WRN: variants seen among roughly 807,000 people sequenced by gnomAD.
The protein encoded by WRN is bifunctional 3'-5' exonuclease/ATP-dependent helicase WRN.
WRN carries 149 observed loss-of-function variants against 180.7 expected under a neutral mutation model. The ratio of observed to expected loss-of-function variants is 0.82; its 90% CI spans 0.72 to 0.94. WRN has a LOEUF of 0.94. Ranked by LOEUF, WRN falls within the 40% of genes least tolerant of loss-of-function variation. WRN has a pLI of 0.00. For missense variants in WRN, 1,661 were observed against 1,700.1 expected, an observed-to-expected ratio of 0.98 and a Z score of 0.40; for synonymous variants, 548 against 568.9, an observed-to-expected ratio of 0.96 and a Z score of 0.52.
intron 1 of WRN, among the ~76,000 whole-genome samples, chr8:31,037,099 A>T (rs188887219): frequency 3.9e-4 from 59 of 152,338 alleles, no homozygotes; most frequent in Admixed American, 2.4e-3. Context: ...ATAATTATAC[A>T]ATTCACCATA....
chr8:31,102,342 C>T (rs544455424), intron 18 of WRN, among the ~76,000 whole-genome samples: 41 of 152,290 alleles, frequency 2.7e-4, no homozygotes, highest in African/African-American at 9.9e-4. Context: ...ACATAACTAC[C>T]TTGAGATCTA....
intron 24 of WRN, among the ~76,000 whole-genome samples, chr8:31,141,020 G>T (rs1326679635): frequency 6.6e-6 from 1 of 152,148 alleles, no homozygotes; most frequent in African/African-American, 2.4e-5. Flanking sequence ...CTCCCAAAGT[G>T]CTAGGATTAC....
At chr8:31,109,787 A>G (rs1340878390) in intron 18 of WRN, among the ~76,000 whole-genome samples, 4 of 152,190 alleles carry the variant, frequency 2.6e-5, no homozygotes, top group Admixed American at 2.0e-4. Flanking sequence ...AAAGAGCTCA[A>G]AATCTCACAT....
chr8:31,124,901 TG>T lies in WRN; in HGVS notation c.2733-4del, dbSNP rs772972546. The T allele has an allele frequency of 1.2e-6, 2 of 1,611,924 alleles. No individual in the cohort carries two copies. Among genetic ancestry groups the T allele is most frequent in the East Asian group, 4.5e-5 (2 of 44,730 alleles). On this transcript the variant is annotated splice_polypyrimidine_tract_variant and splice_region_variant and intron_variant, in intron 22 of 34. Coordinates refer to ENST00000298139, the MANE Select transcript of WRN (RefSeq NM_000553.6). ...TTTTATTTAATTTAAAATTTTGTCTTGGGTAGAATCATCTTGTCTCATTTTG... is the reference window on the plus strand; with the variant it reads ...TTTTATTTAATTTAAAATTTTGTCTTGGTAGAATCATCTTGTCTCATTTTG...
At chr8:31,128,091 AAAAC>A (rs1309939732) in intron 23 of WRN, among the ~76,000 whole-genome samples, 2 of 152,086 alleles carry the variant, frequency 1.3e-5, no homozygotes, top group African/African-American at 2.4e-5. Flanking sequence ...TTTAAAAAAA[AAAAC>A]AAACTTAAAA....
intron 27 of WRN, 100 bp downstream of exon 27, chr8:31,142,801 T>G: frequency 9.1e-7 from 1 of 1,096,708 alleles, no homozygotes; most frequent in Non-Finnish European, 1.3e-6. Context: ...AAAGAGAAAA[T>G]GGCATATATA....
chr8:31,156,424 CAGG>C (rs1327790831), intron 32 of WRN, among the ~76,000 whole-genome samples: 1 of 152,182 alleles, frequency 6.6e-6, no homozygotes, highest in Non-Finnish European at 1.5e-5. Flanking sequence ...ACTAATTAAT[CAGG>C]AGCAATACTA....
rs1326770131 is a variant in WRN, at chr8:31,174,646, T to C, written c.*1544T>C. On this transcript the variant is annotated 3_prime_UTR_variant, in exon 35 of 35. Coordinates refer to ENST00000298139, the MANE Select transcript of WRN (RefSeq NM_000553.6). ...CAGCTTTCCTTAACATAAAGACTTCTCTTTCTCTTCGCTTTCACTACTACT... is the reference window on the plus strand; with the variant it reads ...CAGCTTTCCTTAACATAAAGACTTCCCTTTCTCTTCGCTTTCACTACTACT... Among the ~76,000 whole-genome samples the C allele has an allele frequency of 6.6e-6, 1 of 152,178 alleles. No individual in the cohort carries two copies. The highest frequency in any genetic ancestry group is 1.9e-4 in the East Asian group (1 of 5,190).
intron 1 of WRN, among the ~76,000 whole-genome samples, chr8:31,036,926 G>A (rs1211126841): frequency 6.6e-6 from 1 of 152,014 alleles, no homozygotes; most frequent in Non-Finnish European, 1.5e-5. Context: ...AAAAATCATT[G>A]CCCAGATCAG....
At chr8:31,102,505 G>C (rs887447496) in intron 18 of WRN, among the ~76,000 whole-genome samples, 1 of 152,178 alleles carries the variant, frequency 6.6e-6, no homozygotes, top group African/African-American at 2.4e-5. Flanking sequence ...AGAGCCTATT[G>C]CTCCTAGGCT....
chr8:31,041,832 T>C (rs1811668837), intron 1 of WRN, among the ~76,000 whole-genome samples: 1 of 152,208 alleles, frequency 6.6e-6, no homozygotes, highest in Non-Finnish European at 1.5e-5. Flanking sequence ...ATGGTTGTGC[T>C]TTTCACCTGC....
At chr8:31,044,095 G>C (rs554125650) in intron 1 of WRN, among the ~76,000 whole-genome samples, 1 of 151,882 alleles carries the variant, frequency 6.6e-6, no homozygotes, top group East Asian at 1.9e-4. Context: ...AGGCTGGAGT[G>C]CAGTGGCACA....
chr8:31,168,242 A>G (rs1803974858), intron 34 of WRN, among the ~76,000 whole-genome samples: 1 of 152,102 alleles, frequency 6.6e-6, no homozygotes, highest in Non-Finnish European at 1.5e-5. Context: ...TAAAGAAAAC[A>G]TATTTTGAGT....
chr8:31,130,457 A>G (rs551729341), intron 23 of WRN, among the ~76,000 whole-genome samples: 12 of 152,286 alleles, frequency 7.9e-5, no homozygotes, highest in South Asian at 2.1e-4. Context: ...TTTGTTCTCA[A>G]CCTACTTAAA....
intron 24 of WRN, among the ~76,000 whole-genome samples, chr8:31,141,066 G>A (rs1802605103): frequency 6.6e-6 from 1 of 152,088 alleles, no homozygotes; most frequent in South Asian, 2.1e-4. Context: ...AATTCTCATG[G>A]TTCTAGTCTC....
intron 19 of WRN, among the ~76,000 whole-genome samples, chr8:31,114,129 T>C (rs1801425259): frequency 6.6e-6 from 1 of 152,170 alleles, no homozygotes; most frequent in African/African-American, 2.4e-5. Context: ...TTCCTCTTCA[T>C]GAGCAGTGAG....
chr8:31,143,328 A>G (rs1029007610), intron 27 of WRN, among the ~76,000 whole-genome samples: 2 of 152,020 alleles, frequency 1.3e-5, no homozygotes, highest in Non-Finnish European at 2.9e-5. Context: ...TTGATGATTT[A>G]TTTTCTGTAG....
intron 24 of WRN, among the ~76,000 whole-genome samples, chr8:31,138,902 C>T (rs979838221): frequency 1.3e-5 from 2 of 152,178 alleles, no homozygotes; most frequent in Non-Finnish European, 2.9e-5. Flanking sequence ...TTCATCCTAG[C>T]TTCCTTTTTG....
chr8:31,087,787 C>T lies in WRN; in HGVS notation c.1443C>T (p.Asn481=), dbSNP rs760660037. 1.5e-5 allele frequency: 25 copies of T among 1,613,212 alleles called. No individual in the cohort carries two copies. Among genetic ancestry groups the T allele is most frequent in the African/African-American group, 1.3e-5 (1 of 74,864 alleles). ...LEMEMLKSLE[N]LNSGTVEPTH... is the part of the protein sequence containing the mutation. ...TTTTAAACTTTCAGTCTTTAGAAAACCTCAATAGTGGCACGGTAGAACCAA... is the reference window on the plus strand; with the variant it reads ...TTTTAAACTTTCAGTCTTTAGAAAATCTCAATAGTGGCACGGTAGAACCAA... The change falls in exon 12 of 35, where the codon AAC becomes AAT. Residue 481 remains asparagine, a synonymous_variant. Transcript: ENST00000298139.
Sources: allele counts gnomAD v4.1 joint callset (sites outside exome capture counted in the v4.1 genomes callset), GRCh38; gene constraint gnomAD v4.1.1; transcripts MANE v1.5; gene names NCBI Gene and HGNC (gene_info 2026-07-23, HGNC 2026-07-21).